CTNNBL1: variants seen among roughly 807,000 people sequenced by gnomAD.
CTNNBL1 encodes the protein catenin beta like 1, also known as beta-catenin-like protein 1.
Under a neutral mutation model 72.7 loss-of-function variants are expected in CTNNBL1, and 31 were observed. The ratio of observed to expected loss-of-function variants is 0.43; its 90% CI spans 0.32 to 0.58. The LOEUF is 0.58. Ranked by LOEUF, CTNNBL1 falls within the 20% of genes least tolerant of loss-of-function variation. CTNNBL1 has a pLI of 0.08. For synonymous variants in CTNNBL1, 240 were observed against 267.3 expected (o/e 0.90, Z 1.00); for missense variants, 534 against 725.1 (o/e 0.74, Z 3.03).
At chr20:37,753,792 G>A (rs2073340745) in intron 4 of CTNNBL1, among the ~76,000 whole-genome samples, 1 of 152,192 alleles carries the variant, frequency 6.6e-6, no homozygotes, top group African/African-American at 2.4e-5. Context: ...GCTGGGCAGA[G>A]ACTATTACCC....
intron 11 of CTNNBL1, among the ~76,000 whole-genome samples, chr20:37,808,951 G>A (rs2071984541): frequency 6.6e-6 from 1 of 150,484 alleles, no homozygotes; most frequent in South Asian, 2.1e-4. Context: ...TTCCCCACGT[G>A]TAATTGATCA....
intron 4 of CTNNBL1, chr20:37,749,707 C>T (rs2073300866): frequency 6.6e-6 from 1 of 152,142 alleles, no homozygotes; most frequent in Non-Finnish European, 1.5e-5. Flanking sequence ...TGTCATCCTC[C>T]TCAAAGTACG....
chr20:37,751,020 T>C (rs1052417385), intron 4 of CTNNBL1: 4 of 152,000 alleles, frequency 2.6e-5, no homozygotes, highest in African/African-American at 9.7e-5. Flanking sequence ...GCATTTCAGG[T>C]TTATTTTTGT....
intron 1 of CTNNBL1, among the ~76,000 whole-genome samples, chr20:37,706,879 G>C (rs551731169): frequency 6.6e-6 from 1 of 152,294 alleles, no homozygotes; most frequent in Non-Finnish European, 1.5e-5. Flanking sequence ...ATTACTCTTT[G>C]ATCCATGGGC....
chr20:37,703,868 C>T (rs1247701888), intron 1 of CTNNBL1, among the ~76,000 whole-genome samples: 1 of 151,714 alleles, frequency 6.6e-6, no homozygotes, highest in Non-Finnish European at 1.5e-5. Flanking sequence ...ACCTCTGCCT[C>T]CTGGGTTCAA....
intron 11 of CTNNBL1, among the ~76,000 whole-genome samples, chr20:37,804,235 A>T (rs925739672): frequency 2.0e-4 from 31 of 152,208 alleles, no homozygotes; most frequent in African/African-American, 7.2e-4. Flanking sequence ...TCCCCACTGA[A>T]AATTCAGCAA....
At chr20:37,866,320 C>T (rs534813287) in intron 15 of CTNNBL1, among the ~76,000 whole-genome samples, 4 of 152,268 alleles carry the variant, frequency 2.6e-5, no homozygotes, top group African/African-American at 9.6e-5. Context: ...ATGCAGGGGT[C>T]GGGGGGAACC....
At chr20:37,860,128 G>A in intron 14 of CTNNBL1, 92 bp downstream of exon 14, 3 of 1,529,290 alleles carry the variant, frequency 2.0e-6, no homozygotes, top group Non-Finnish European at 2.7e-6. Context: ...AAAGAAGGGG[G>A]TCACGCTCTC....
intron 15 of CTNNBL1, among the ~76,000 whole-genome samples, chr20:37,871,356 T>G (rs761452292): frequency 4.6e-5 from 7 of 152,126 alleles, no homozygotes; most frequent in Non-Finnish European, 8.8e-5. Context: ...AGAACAGAAA[T>G]GTACTTCCTC....
At chr20:37,763,141 G>T (rs917310820) in intron 5 of CTNNBL1, among the ~76,000 whole-genome samples, 5 of 152,206 alleles carry the variant, frequency 3.3e-5, no homozygotes, top group African/African-American at 1.2e-4. Flanking sequence ...GCTGCTTTAG[G>T]ATTCAGGGAG....
intron 13 of CTNNBL1, among the ~76,000 whole-genome samples, chr20:37,856,044 C>T (rs1395335766): frequency 6.6e-6 from 1 of 152,104 alleles, no homozygotes; most frequent in Non-Finnish European, 1.5e-5. Flanking sequence ...GGAGACCAGC[C>T]TGGCCAACAT....
intron 11 of CTNNBL1, among the ~76,000 whole-genome samples, chr20:37,836,299 A>T (rs752910687): frequency 5.9e-5 from 9 of 152,190 alleles, no homozygotes; most frequent in Admixed American, 1.3e-4. Flanking sequence ...GTAAACTCAG[A>T]TCCAATGCTG....
At chr20:37,789,773 A>G (rs751968331) in intron 10 of CTNNBL1, among the ~76,000 whole-genome samples, 4 of 152,232 alleles carry the variant, frequency 2.6e-5, no homozygotes, top group Non-Finnish European at 4.4e-5. Flanking sequence ...GAATACTTCA[A>G]TGTTCTGTAA....
chr20:37,808,001 T>C (rs944296964), intron 11 of CTNNBL1, among the ~76,000 whole-genome samples: 1 of 152,118 alleles, frequency 6.6e-6, no homozygotes, highest in Admixed American at 6.5e-5. Context: ...CTTCATTAGG[T>C]ATGTGAGTTA....
chr20:37,804,401 C>T (rs534311783), intron 11 of CTNNBL1, among the ~76,000 whole-genome samples: 15 of 152,232 alleles, frequency 9.9e-5, no homozygotes, highest in African/African-American at 2.6e-4. Flanking sequence ...GTATTGGTGG[C>T]ATCCTTATTT....
chr20:37,858,160 G>A (rs978762125), intron 13 of CTNNBL1, among the ~76,000 whole-genome samples: 2 of 152,200 alleles, frequency 1.3e-5, no homozygotes, highest in African/African-American at 4.8e-5. Context: ...TTATGCCACT[G>A]CACTCCAGAC....
intron 1 of CTNNBL1, among the ~76,000 whole-genome samples, chr20:37,697,040 G>A (rs1448062173): frequency 3.3e-5 from 5 of 151,696 alleles, no homozygotes; most frequent in East Asian, 2.0e-4. Flanking sequence ...AAAATTAGCC[G>A]GGCGTGGTGG....
At chr20:37,737,573 G>A in intron 3 of CTNNBL1, 89 bp downstream of exon 3, 1 of 853,822 alleles carries the variant, frequency 1.2e-6, no homozygotes. Context: ...TGGCTTTTGT[G>A]ATTTGGGCCA....
intron 11 of CTNNBL1, among the ~76,000 whole-genome samples, chr20:37,807,542 G>C (rs1187056329): frequency 1.3e-5 from 2 of 152,172 alleles, no homozygotes; most frequent in African/African-American, 2.4e-5. Context: ...AAAAACAGCT[G>C]TGTTCCCAAG....
Sources: allele counts gnomAD v4.1 joint callset (sites outside exome capture counted in the v4.1 genomes callset), GRCh38; gene constraint gnomAD v4.1.1; transcripts MANE v1.5; gene names NCBI Gene and HGNC (gene_info 2026-07-23, HGNC 2026-07-21).